Variants in PHKB observed in about 807,000 individuals in gnomAD.
PHKB encodes phosphorylase b kinase regulatory subunit beta.
A neutral mutation model predicts 152.1 loss-of-function variants in PHKB; 122 were observed. The ratio of observed to expected loss-of-function variants is 0.80; its 90% CI spans 0.69 to 0.93. The LOEUF is 0.93. Among genes scored for constraint, PHKB ranks in the 40% least tolerant of loss-of-function variants. The probability of loss-of-function intolerance (pLI) is 0.00; values close to 1 mark genes in which losing one functional copy is unlikely to be tolerated. For missense variants in PHKB, 1,304 were observed against 1,328.4 expected (o/e 0.98, Z 0.29); for synonymous variants, 436 against 464.9 (o/e 0.94, Z 0.80).
In PHKB at chr16:47,548,374, C is replaced by T. The variant is rs1384327073; in HGVS notation, c.710+826C>T. On this transcript the variant is annotated intron_variant, in intron 7 of 30. Coordinates refer to ENST00000323584, the MANE Select transcript of PHKB (RefSeq NM_000293.3). Reference sequence around the variant, plus strand: ...CTGTAATCCGGGCACTTTGGGAGGCCGAGGTGGGCAGATCATGAGGCCAGG... The same window carrying T: ...CTGTAATCCGGGCACTTTGGGAGGCTGAGGTGGGCAGATCATGAGGCCAGG... 3.9e-5 allele frequency among the ~76,000 whole-genome samples: 6 copies of T among 151,970 alleles called. No homozygotes were observed. The East Asian group carries it at 1.2e-3, about 29-fold the overall frequency.
intron 14 of PHKB, among the ~76,000 whole-genome samples, chr16:47,614,264 C>G (rs1972478307): frequency 6.6e-6 from 1 of 152,192 alleles, no homozygotes; most frequent in Non-Finnish European, 1.5e-5. Context: ...GAGAACTCCA[C>G]CTCCATGATC....
At chr16:47,643,610 G>A in intron 16 of PHKB, among the ~76,000 whole-genome samples, 1 of 152,194 alleles carries the variant, frequency 6.6e-6, no homozygotes, top group East Asian at 1.9e-4. Flanking sequence ...GTGTTCCTAA[G>A]TAGCTGCTCT....
chr16:47,651,817 T>C lies in PHKB; in HGVS notation c.1971+896T>C, dbSNP rs150736088. 7.6e-3 allele frequency among the ~76,000 whole-genome samples: 1,150 copies of C among 152,312 alleles called. 19 individuals carry two copies. Among genetic ancestry groups the C allele is most frequent in the African/African-American group, 0.026 (1,087 of 41,576 alleles). On this transcript the variant is annotated intron_variant, in intron 20 of 30. Transcript: ENST00000323584. ...GATTGTATTTTGCATACTTGATTTT[T>C]ACCTAAGCATTTATCTTTTTTCCTT...
intron 13 of PHKB, among the ~76,000 whole-genome samples, chr16:47,609,352 G>T (rs1972383487): frequency 7.1e-6 from 1 of 141,416 alleles, no homozygotes; most frequent in Admixed American, 8.0e-5. Flanking sequence ...ATTTTGCTTT[G>T]TAATTTTCTT....
chr16:47,612,414 CAT>C (rs1972444916), intron 14 of PHKB, among the ~76,000 whole-genome samples: 1 of 152,194 alleles, frequency 6.6e-6, no homozygotes, highest in South Asian at 2.1e-4. Flanking sequence ...ATGCTTGACA[CAT>C]ATAATGATGG....
intron 14 of PHKB, among the ~76,000 whole-genome samples, chr16:47,616,735 G>A (rs1196051845): frequency 6.6e-6 from 1 of 150,816 alleles, no homozygotes; most frequent in East Asian, 1.9e-4. Flanking sequence ...TAACCCAGCG[G>A]TGCTAGAGGA....
chr16:47,525,827 C>T (rs1250284621), intron 6 of PHKB, among the ~76,000 whole-genome samples: 1 of 152,142 alleles, frequency 6.6e-6, no homozygotes, highest in Non-Finnish European at 1.5e-5. Context: ...TACCAGAGGA[C>T]AGGTGAACAG....
At chr16:47,617,370 T>G (rs1361695855) in intron 14 of PHKB, among the ~76,000 whole-genome samples, 7 of 151,744 alleles carry the variant, frequency 4.6e-5, no homozygotes, top group African/African-American at 1.7e-4. Context: ...ATTGTAGCTA[T>G]TGCCTCTATG....
intron 7 of PHKB, among the ~76,000 whole-genome samples, chr16:47,571,879 T>G (rs2151688110): frequency 6.6e-6 from 1 of 152,310 alleles, no homozygotes; most frequent in Middle Eastern, 3.4e-3. Context: ...TGGTTTCTTT[T>G]GTCCCAAGGG....
intron 13 of PHKB, among the ~76,000 whole-genome samples, chr16:47,604,996 G>A (rs1367412420): frequency 1.3e-5 from 2 of 152,094 alleles, no homozygotes; most frequent in African/African-American, 4.8e-5. Context: ...CAGAAAATCA[G>A]TTTCATTGAA....
At chr16:47,640,969 C>T in intron 14 of PHKB, 66 bp from the exon 15 acceptor site, 3 of 1,389,734 alleles carry the variant, frequency 2.2e-6, no homozygotes. Context: ...GTCCTTGTTT[C>T]TCATTGTAGC....
At chr16:47,628,830 G>C (rs973238011) in intron 14 of PHKB, among the ~76,000 whole-genome samples, 2 of 152,034 alleles carry the variant, frequency 1.3e-5, no homozygotes, top group Non-Finnish European at 2.9e-5. Flanking sequence ...CAGAGATATA[G>C]ATCAATGGAA....
chr16:47,527,184 G>T (rs1014722658), intron 6 of PHKB, among the ~76,000 whole-genome samples: 4 of 152,148 alleles, frequency 2.6e-5, no homozygotes, highest in Non-Finnish European at 5.9e-5. Flanking sequence ...GATTAGAGGG[G>T]ACACACATCC....
chr16:47,682,496 G>C (rs185439080), intron 26 of PHKB, among the ~76,000 whole-genome samples: 1 of 151,874 alleles, frequency 6.6e-6, no homozygotes, highest in Admixed American at 6.6e-5. Context: ...TTCTCTTCTC[G>C]CTTCATTTCA....
At chr16:47,533,269 G>C (rs1363284593) in intron 6 of PHKB, among the ~76,000 whole-genome samples, 2 of 152,154 alleles carry the variant, frequency 1.3e-5, no homozygotes, top group Non-Finnish European at 2.9e-5. Flanking sequence ...GTGAGGAAGT[G>C]CATGCCCATT....
At chr16:47,606,683 G>T (rs1972330855) in intron 13 of PHKB, among the ~76,000 whole-genome samples, 1 of 152,012 alleles carries the variant, frequency 6.6e-6, no homozygotes, top group South Asian at 2.1e-4. Context: ...TGCACTCCAA[G>T]GAGGTTTTGC....
chr16:47,566,140 G>T (rs753513322), intron 7 of PHKB: 4 of 647,434 alleles, frequency 6.2e-6, no homozygotes, highest in African/African-American at 5.4e-5. Flanking sequence ...TCATCATAGC[G>T]ATCCCAGTCG....
chr16:47,546,821 T>C (rs981960980), intron 6 of PHKB, among the ~76,000 whole-genome samples: 11 of 151,772 alleles, frequency 7.2e-5, no homozygotes, highest in Non-Finnish European at 1.5e-4. Flanking sequence ...TGGACCCCCC[T>C]CCCCCAGCCA....
At chr16:47,497,849 C>G (rs1246800905) in intron 2 of PHKB, among the ~76,000 whole-genome samples, 1 of 152,054 alleles carries the variant, frequency 6.6e-6, no homozygotes, top group Non-Finnish European at 1.5e-5. Context: ...CCAGATAGTC[C>G]TAAACTTTTT....
Sources: allele counts gnomAD v4.1 joint callset (sites outside exome capture counted in the v4.1 genomes callset), GRCh38; gene constraint gnomAD v4.1.1; transcripts MANE v1.5; gene names NCBI Gene and HGNC (gene_info 2026-07-23, HGNC 2026-07-21).